Variants in NCS1 observed in about 807,000 individuals in gnomAD.
The protein encoded by NCS1 is frequenin homolog.
A neutral mutation model predicts 28.4 loss-of-function variants in NCS1; 6 were observed. That is an observed-to-expected ratio of 0.21 (90% CI 0.12 to 0.42). The LOEUF (loss-of-function observed/expected upper bound fraction) is 0.42, where lower values mean the gene tolerates loss of function less well. Among genes scored for constraint, NCS1 ranks in the 10% least tolerant of loss-of-function variants. The pLI, the probability that NCS1 is intolerant of heterozygous loss-of-function variation, is 1.00. For synonymous variants in NCS1, 86 were observed against 99.3 expected (o/e 0.87, Z 0.79); for missense variants, 131 against 241.4 (o/e 0.54, Z 3.03).
rs974840094 is a variant in NCS1 at position 130,209,009 on chromosome 9, A to C, written c.89+8027A>C. On this transcript the variant is annotated intron_variant, in intron 2 of 7. Transcript: ENST00000372398. This position sits in a 1 kb window ranked among gnomAD's most constrained non-coding sequence, Gnocchi z 4.4. ...GTAAAACCGGAGGCTACTGGGGGGAAGGGAAAGGAAGAGGAACCATCTCAT... is the reference window on the plus strand; with the variant it reads ...GTAAAACCGGAGGCTACTGGGGGGACGGGAAAGGAAGAGGAACCATCTCAT... Among the ~76,000 whole-genome samples, 1 of 152,098 alleles carries C rather than the reference A, an allele frequency of 6.6e-6. No individual in the cohort carries two copies. The highest frequency in any genetic ancestry group is 2.4e-5 in the African/African-American group (1 of 41,416).
intron 2 of NCS1, among the ~76,000 whole-genome samples, chr9:130,201,371 G>A (rs909927319): frequency 3.9e-5 from 6 of 152,170 alleles, no homozygotes; most frequent in African/African-American, 1.4e-4. Context: ...TGATCGATTC[G>A]ATTGGATCAG....
Position 130,201,995 on chromosome 9 carries a change from C to T in NCS1, c.89+1013C>T, listed in dbSNP as rs901564955. Among the ~76,000 whole-genome samples, 11 of 152,350 alleles carry T rather than the reference C, an allele frequency of 7.2e-5. No homozygotes were observed. In the South Asian group the frequency reaches 2.3e-3, roughly 32 times the overall value. Reference sequence around the variant, plus strand: ...CAAGGCTCAGCCCAAGTCGCCTCCACCATGAAACCTCCCTAGATTCCCCAT... The same window carrying T: ...CAAGGCTCAGCCCAAGTCGCCTCCATCATGAAACCTCCCTAGATTCCCCAT... On this transcript the variant is annotated intron_variant, in intron 2 of 7. Transcript: ENST00000372398.
At chr9:130,207,626 G>A (rs941921848) in intron 2 of NCS1, among the ~76,000 whole-genome samples, 34 of 152,246 alleles carry the variant, frequency 2.2e-4, no homozygotes, top group Non-Finnish European at 8.8e-5. Context: ...GTCCTGGGCC[G>A]CAAAGTCAGT....
rs1832636819 is a variant in NCS1 at position 130,180,278 on chromosome 9, C to T, written c.64+7551C>T. On this transcript the variant is annotated intron_variant, in intron 1 of 7. Coordinates refer to ENST00000372398, the MANE Select transcript of NCS1 (RefSeq NM_014286.4). This position sits in a 1 kb window ranked among gnomAD's most constrained non-coding sequence, Gnocchi z 4.5. ...CAAACTCCTAGCCTCAAGTGGTGCACCCACCTTGGCCTCCCAAAGTGCTGG... is the reference window on the plus strand; with the variant it reads ...CAAACTCCTAGCCTCAAGTGGTGCATCCACCTTGGCCTCCCAAAGTGCTGG... 6.6e-6 allele frequency among the ~76,000 whole-genome samples: 1 copy of T among 152,080 alleles called. No individual in the cohort carries two copies. The highest frequency in any genetic ancestry group is 2.4e-5 in the African/African-American group (1 of 41,396).
chr9:130,181,894 C>T lies in NCS1; in HGVS notation c.64+9167C>T, dbSNP rs1832663991. 1.3e-5 allele frequency among the ~76,000 whole-genome samples: 2 copies of T among 151,842 alleles called. No homozygotes were observed. ...CGCGTGTGGTGGTGTGTGAGGGCAG[C>T]TCTGTACAGGTTGTAAATGTAGGTG... On this transcript the variant is annotated intron_variant, in intron 1 of 7. Transcript: ENST00000372398. This position sits in a 1 kb window ranked among gnomAD's most constrained non-coding sequence, Gnocchi z 5.0.
In NCS1 at chr9:130,172,669, G is replaced by A; in HGVS notation, c.6G>A (p.Gly2=). 1 of 1,496,022 alleles carries A rather than the reference G, an allele frequency of 6.7e-7. No individual in the cohort carries two copies. The highest frequency in any genetic ancestry group is 9.0e-7 in the Non-Finnish European group (1 of 1,115,524). 92.7% of individuals were successfully genotyped at this position (1,496,022 alleles called of 1,614,324 possible). A position where few individuals can be genotyped will look rare whatever the true frequency, so the allele number is the denominator to read the frequency against. The change falls in exon 1 of 8, where the codon GGG becomes GGA. Residue 2 remains glycine (G), a synonymous_variant. Coordinates refer to ENST00000372398, the MANE Select transcript of NCS1 (RefSeq NM_014286.4). ...GGGGGCCGCGGCCGCCGAGGATGGG[G>A]AAATCCAACAGCAAGTTGAAGCCCG... M[G]KSNSKLKPEV...
chr9:130,179,889 C>CA (rs1373529802), intron 1 of NCS1, among the ~76,000 whole-genome samples: 1 of 152,206 alleles, frequency 6.6e-6, no homozygotes, highest in African/African-American at 2.4e-5. Flanking sequence ...CCCAAGGTCA[C>CA]ACAGCAAATA....
chr9:130,229,578 A>G (rs1299839485), intron 7 of NCS1, among the ~76,000 whole-genome samples: 4 of 152,048 alleles, frequency 2.6e-5, no homozygotes, highest in African/African-American at 9.7e-5. Flanking sequence ...GAAATGTTTG[A>G]CGTGTACCTT....
intron 7 of NCS1, among the ~76,000 whole-genome samples, chr9:130,230,941 C>G (rs1366018504): frequency 1.3e-5 from 2 of 152,156 alleles, no homozygotes; most frequent in East Asian, 1.9e-4. Flanking sequence ...TTAATATCCT[C>G]TGATCTCTAG....
chr9:130,175,359 C>T lies in NCS1; in HGVS notation c.64+2632C>T, dbSNP rs534564152. Among the ~76,000 whole-genome samples the T allele has an allele frequency of 1.3e-5, 2 of 152,234 alleles. No homozygotes were observed. The highest frequency in any genetic ancestry group is 6.5e-5 in the Admixed American group (1 of 15,288). Reference sequence around the variant, plus strand: ...TGTGTATGGGGTCAAGAGAAGCGCCCCAGGAAGGACTCTCAAATGTCAGAA... The same window carrying T: ...TGTGTATGGGGTCAAGAGAAGCGCCTCAGGAAGGACTCTCAAATGTCAGAA... On this transcript the variant is annotated intron_variant, in intron 1 of 7. Coordinates refer to ENST00000372398, the MANE Select transcript of NCS1 (RefSeq NM_014286.4). This position sits in a 1 kb window ranked among gnomAD's most constrained non-coding sequence, Gnocchi z 4.9.
At position 130,178,941 on chromosome 9, in the gene NCS1, CTT is replaced by C. The variant is rs559251146; in HGVS notation, c.64+6224_64+6225del. 7.9e-3 allele frequency among the ~76,000 whole-genome samples: 739 copies of C among 93,760 alleles called. 27 individuals carry two copies. The highest frequency in any genetic ancestry group is 0.03 in the African/African-American group (699 of 23,334). 61.5% of individuals were successfully genotyped at this position (93,760 alleles called of 152,430 possible). A position where few individuals can be genotyped will look rare whatever the true frequency, so the allele number is the denominator to read the frequency against. Reference sequence around the variant, plus strand: ...CTCCCCTTCCCTCCCCTTCCCTCCTCTTTTTTTTTTTGAAACAGAGTCTTACT... The same window carrying C: ...CTCCCCTTCCCTCCCCTTCCCTCCTCTTTTTTTTTGAAACAGAGTCTTACT... On this transcript the variant is annotated intron_variant, in intron 1 of 7. Coordinates refer to ENST00000372398, the MANE Select transcript of NCS1 (RefSeq NM_014286.4).
At position 130,180,039 on chromosome 9, in the gene NCS1, CT is replaced by C. The variant is rs1832632718; in HGVS notation, c.64+7313del. On this transcript the variant is annotated intron_variant, in intron 1 of 7. Coordinates refer to ENST00000372398, the MANE Select transcript of NCS1 (RefSeq NM_014286.4). This position sits in a 1 kb window ranked among gnomAD's most constrained non-coding sequence, Gnocchi z 4.5. The stretch of plus-strand genomic sequence containing the variant: ...TCTATCTATCTATCTATCTATCTAT[CT>C]ATCTATCTATCGAGATGGAATCTCA... Among the ~76,000 whole-genome samples, 1 of 145,208 alleles carries C rather than the reference CT, an allele frequency of 6.9e-6. No individual in the cohort carries two copies. Among genetic ancestry groups the C allele is most frequent in the African/African-American group, 2.6e-5 (1 of 37,868 alleles).
intron 1 of NCS1, among the ~76,000 whole-genome samples, chr9:130,194,779 G>A (rs1554906631): frequency 6.6e-6 from 1 of 152,228 alleles, no homozygotes. Context: ...GTACGAGCCT[G>A]GGCCTGCAGG....
At chr9:130,176,061 C>A (rs782203793) in intron 1 of NCS1, among the ~76,000 whole-genome samples, 3 of 152,140 alleles carry the variant, frequency 2.0e-5, no homozygotes, top group Non-Finnish European at 4.4e-5. Context: ...AACTCATGTG[C>A]AGTGTGGGGC....
chr9:130,173,180 C>T (rs1166997149), intron 1 of NCS1, among the ~76,000 whole-genome samples: 4 of 148,600 alleles, frequency 2.7e-5, no homozygotes, highest in Non-Finnish European at 5.9e-5. Context: ...CTGTCGCCCC[C>T]TCCCTGGCCC....
At chr9:130,188,832 T>C (rs1224381057) in intron 1 of NCS1, among the ~76,000 whole-genome samples, 1 of 152,222 alleles carries the variant, frequency 6.6e-6, no homozygotes, top group Admixed American at 6.5e-5. Flanking sequence ...TTCTCCTGTT[T>C]CAGCCTCCCG....
intron 2 of NCS1, among the ~76,000 whole-genome samples, chr9:130,202,067 T>C (rs1588115993): frequency 6.6e-6 from 1 of 152,180 alleles, no homozygotes; most frequent in Non-Finnish European, 1.5e-5. Context: ...AGAGGGGTCT[T>C]TGCTGAACAA....
intron 1 of NCS1, among the ~76,000 whole-genome samples, chr9:130,187,175 CG>C (rs781992753): frequency 1.3e-5 from 2 of 152,110 alleles, no homozygotes; most frequent in Non-Finnish European, 2.9e-5. Context: ...ACCTGGGAGA[CG>C]GGGGGCCCTG....
intron 1 of NCS1, among the ~76,000 whole-genome samples, chr9:130,193,671 T>C (rs932828054): frequency 1.3e-5 from 2 of 151,858 alleles, no homozygotes; most frequent in African/African-American, 4.8e-5. Flanking sequence ...GGGAGGAGAC[T>C]GGGAGTGAGG....
Sources: allele counts gnomAD v4.1 joint callset (sites outside exome capture counted in the v4.1 genomes callset), GRCh38; gene constraint gnomAD v4.1.1; non-coding constraint Gnocchi (gnomAD v3.1); transcripts MANE v1.5; gene names NCBI Gene and HGNC (gene_info 2026-07-23, HGNC 2026-07-21).